Variants in NSMCE4A observed in about 807,000 individuals in gnomAD.
NSMCE4A encodes NSE4A component of SMC5/6 complex.
In NSMCE4A, 40 loss-of-function variants were observed where a neutral mutation model predicts 47.9. The ratio of observed to expected loss-of-function variants is 0.83; its 90% CI spans 0.65 to 1.09. NSMCE4A has a LOEUF of 1.09. NSMCE4A is among the 50% of genes least tolerant of loss of function. The pLI is 0.00. For synonymous variants in NSMCE4A, 166 were observed against 178.5 expected (o/e 0.93, Z 0.56); for missense variants, 500 against 507.0 (o/e 0.99, Z 0.13).
chr10:121,975,098 C>A lies in NSMCE4A; in HGVS notation c.68G>T (p.Arg23Leu). ...RGRGRDPHRD[R>L]TRSRSRSRSP... The stretch of plus-strand genomic sequence containing the variant: ...CCGCGAGCGGGAGCGGGAGCGGGTG[C>A]GATCCCGATGCGGGTCGCGGCCCCG... Residue 23 changes from arginine (R) to leucine (L), a missense_variant, in exon 1 of 11, where the codon CGC becomes CTC. Physicochemically the swap from Arg to Leu is moderately radical, Grantham distance 102 (BLOSUM62 -2). Coordinates refer to ENST00000369023, the MANE Select transcript of NSMCE4A (RefSeq NM_017615.3). The A allele has an allele frequency of 7.0e-7, 1 of 1,438,502 alleles. No homozygotes were observed. 89.1% of individuals were successfully genotyped at this position (1,438,502 alleles called of 1,614,324 possible). A position where few individuals can be genotyped will look rare whatever the true frequency, so the allele number is the denominator to read the frequency against.
intron 4 of NSMCE4A, 54 bp downstream of exon 4, chr10:121,967,601 A>T (rs1952630366): frequency 6.4e-7 from 1 of 1,551,132 alleles, no homozygotes; most frequent in South Asian, 1.2e-5. Flanking sequence ...TACAAGAAAA[A>T]GCAATTTAAG....
intron 3 of NSMCE4A, among the ~76,000 whole-genome samples, chr10:121,970,180 A>G (rs1952679937): frequency 6.6e-6 from 1 of 152,036 alleles, no homozygotes; most frequent in Non-Finnish European, 1.5e-5. Flanking sequence ...AAAACCAAAA[A>G]AGCAAAACCT....
chr10:121,959,711 T>A lies in NSMCE4A; in HGVS notation c.989-116A>T. 3 of 676,052 alleles carry A rather than the reference T, an allele frequency of 4.4e-6. No individual in the cohort carries two copies. The South Asian group carries it at 5.6e-5, about 13-fold the overall frequency. 41.9% of individuals were successfully genotyped at this position (676,052 alleles called of 1,614,324 possible). A position where few individuals can be genotyped will look rare whatever the true frequency, so the allele number is the denominator to read the frequency against. On this transcript the variant is annotated intron_variant, in intron 8 of 10. Coordinates refer to ENST00000369023, the MANE Select transcript of NSMCE4A (RefSeq NM_017615.3). The stretch of plus-strand genomic sequence containing the variant: ...ACCTGTATTGAAAAGATACTTATAA[T>A]ATTACATACTTTTTAGGATTTCATG...
At position 121,960,581 on chromosome 10, in the gene NSMCE4A, G is replaced by A. The variant is rs1952480215; in HGVS notation, c.940-175C>T. On this transcript the variant is annotated intron_variant, in intron 7 of 10. Transcript: ENST00000369023. The surrounding 1 kb of genome is among the most constrained non-coding windows in gnomAD (Gnocchi z 4.2). The stretch of plus-strand genomic sequence containing the variant: ...CCCTAGTATCTTTTATTTACACAGG[G>A]TATCTTTGGGTTTCTAATCAGCTCT... 6.6e-6 allele frequency among the ~76,000 whole-genome samples: 1 copy of A among 152,116 alleles called. No individual in the cohort carries two copies. Among genetic ancestry groups the A allele is most frequent in the Admixed American group, 6.6e-5 (1 of 15,262 alleles).
chr10:121,965,056 G>A (rs1252857958), intron 5 of NSMCE4A, among the ~76,000 whole-genome samples: 1 of 152,128 alleles, frequency 6.6e-6, no homozygotes, highest in Non-Finnish European at 1.5e-5. Context: ...ACAGTGCTGA[G>A]GTTGACCCTG....
At chr10:121,971,705 G>A (rs1952716990) in intron 2 of NSMCE4A, among the ~76,000 whole-genome samples, 1 of 152,092 alleles carries the variant, frequency 6.6e-6, no homozygotes, top group Non-Finnish European at 1.5e-5. Flanking sequence ...TCCTAATCAC[G>A]ATGATCATGT....
intron 8 of NSMCE4A, 163 bp from the exon 9 acceptor site, chr10:121,959,758 T>G: frequency 1.7e-6 from 1 of 604,210 alleles, no homozygotes; most frequent in South Asian, 2.1e-5. Context: ...TGCTGTAGTA[T>G]TATTACAGTA....
At chr10:121,971,204 A>C in intron 2 of NSMCE4A, 135 bp from the exon 3 acceptor site, 1 of 805,224 alleles carries the variant, frequency 1.2e-6, no homozygotes, top group Non-Finnish European at 1.9e-6. Flanking sequence ...GGCAACTGAC[A>C]CATCTCCTTC....
At chr10:121,966,772 T>G (rs1041808938) in intron 4 of NSMCE4A, 129 of 152,346 alleles carry the variant, frequency 8.5e-4, no homozygotes, top group African/African-American at 2.9e-3. Flanking sequence ...ACCAGTATAC[T>G]TGAAGGTCCT....
intron 1 of NSMCE4A, chr10:121,974,327 C>A: frequency 7.7e-7 from 1 of 1,297,524 alleles, no homozygotes; most frequent in Non-Finnish European, 9.8e-7. Context: ...GGGCTGGACT[C>A]CGGCTGCAGC....
chr10:121,972,361 T>C (rs533907664), intron 2 of NSMCE4A, among the ~76,000 whole-genome samples: 9 of 152,270 alleles, frequency 5.9e-5, no homozygotes, highest in Admixed American at 2.6e-4. Context: ...CAGGGTCTGA[T>C]TAAGCAACCC....
At chr10:121,967,870 T>C in intron 3 of NSMCE4A, 64 bp from the exon 4 acceptor site, 1 of 1,532,800 alleles carries the variant, frequency 6.5e-7, no homozygotes, top group Non-Finnish European at 8.8e-7. Context: ...CCACATCCAA[T>C]AATCCGCATC....
At chr10:121,966,073 AAGG>A (rs1344611016) in intron 4 of NSMCE4A, 3 of 152,210 alleles carry the variant, frequency 2.0e-5, no homozygotes, top group Non-Finnish European at 2.9e-5. Context: ...CCTGCTCCAC[AAGG>A]AGCAGTATAA....
At position 121,965,384 on chromosome 10, in the gene NSMCE4A, A is replaced by G; in HGVS notation, c.655T>C (p.Leu219=). Residue 219 remains leucine (L), a splice_region_variant and synonymous_variant, in exon 5 of 11, where the codon TTG becomes CTG. Transcript: ENST00000369023. ...GGGCACTCTCCGTATATTGAACCCAACCTAATGAAAAGTATGCTTTCATTT... is the reference window on the plus strand; with the variant it reads ...GGGCACTCTCCGTATATTGAACCCAGCCTAATGAAAAGTATGCTTTCATTT... ...FNKTHTFHFL[L]GSIYGECPVP... 2 of 1,602,920 alleles carry G rather than the reference A, an allele frequency of 1.2e-6. No individual in the cohort carries two copies. Among genetic ancestry groups the G allele is most frequent in the Non-Finnish European group, 1.7e-6 (2 of 1,175,794 alleles).
Position 121,959,365 on chromosome 10 carries a change from T to C in NSMCE4A, c.1129A>G (p.Ser377Gly), listed in dbSNP as rs759587573. 2 of 1,614,256 alleles carry C rather than the reference T, an allele frequency of 1.2e-6. No individual in the cohort carries two copies. Among genetic ancestry groups the C allele is most frequent in the East Asian group, 4.5e-5 (2 of 44,892 alleles). ...FEISEPVITP[S>G]QRQQKPSA The stretch of plus-strand genomic sequence containing the variant: ...GCACTTGGCTTCTGCTGCCTCTGAC[T>C]TGGAGTAATCACAGGCTCTGAAATC... The change falls in exon 10 of 11, where the codon AGT becomes GGT. Residue 377 changes from serine to glycine, a missense_variant. Ser to Gly is a moderately conservative substitution (Grantham distance 56, BLOSUM62 0). Transcript: ENST00000369023.
At chr10:121,969,475 C>T (rs1235647799) in intron 3 of NSMCE4A, among the ~76,000 whole-genome samples, 3 of 138,112 alleles carry the variant, frequency 2.2e-5, no homozygotes, top group Admixed American at 1.6e-4. Flanking sequence ...TTCCTAAGTG[C>T]ATTATGTTTC....
chr10:121,959,067 C>T (rs1485917602), intron 10 of NSMCE4A, among the ~76,000 whole-genome samples: 1 of 152,150 alleles, frequency 6.6e-6, no homozygotes, highest in Non-Finnish European at 1.5e-5. Flanking sequence ...CTTGCCTTGG[C>T]CTCCCAAAGT....
At position 121,975,141 on chromosome 10, in the gene NSMCE4A, C is replaced by A. The variant is rs953473894; in HGVS notation, c.25G>T (p.Gly9Trp). Residue 9 changes from glycine (G) to tryptophan (W), a missense_variant, in exon 1 of 11, where the codon GGG (glycine) becomes TGG (tryptophan). Gly to Trp is a radical substitution (Grantham distance 184). Coordinates refer to ENST00000369023, the MANE Select transcript of NSMCE4A (RefSeq NM_017615.3). ...CGGCCCCGGCCCCGGCCCTCTGGCC[C>A]GCGGCCGCTGCTGTCCCCAGACATA... Reference protein sequence around the residue: MSGDSSGRGPEGRGRGRDP... With the variant: MSGDSSGRWPEGRGRGRDP... The A allele has an allele frequency of 1.5e-5, 21 of 1,408,050 alleles. No homozygotes were observed. The highest frequency in any genetic ancestry group is 2.6e-4 in the Middle Eastern group (1 of 3,896). 87.2% of individuals were successfully genotyped at this position (1,408,050 alleles called of 1,614,324 possible). A position where few individuals can be genotyped will look rare whatever the true frequency, so the allele number is the denominator to read the frequency against.
Position 121,974,922 on chromosome 10 carries a change from A to G in NSMCE4A, c.244T>C (p.Cys82Arg). The G allele has an allele frequency of 6.5e-7, 1 of 1,530,658 alleles. No homozygotes were observed. The highest frequency in any genetic ancestry group is 1.2e-5 in the South Asian group (1 of 81,954). The allele number at this position is 1,530,658 out of a possible 1,614,324, so 94.8% of individuals were successfully genotyped here. A position where few individuals can be genotyped will look rare whatever the true frequency, so the allele number is the denominator to read the frequency against. Residue 82 changes from cysteine to arginine, a missense_variant, in exon 1 of 11, where the codon TGC becomes CGC. By Grantham distance (180) the Cys-to-Arg change is radical. Coordinates refer to ENST00000369023, the MANE Select transcript of NSMCE4A (RefSeq NM_017615.3). ...SLEAEADQGLCRQIRHQYRAL... is the reference protein window; with the variant it reads ...SLEAEADQGLRRQIRHQYRAL... ...CGGTACTGATGGCGGATCTGGCGGC[A>G]CAGGCCTTGGTCGGCCTCCGCCTCC...
Sources: gnomAD v4.1 joint callset for allele counts (sites outside exome capture counted in the v4.1 genomes callset) on GRCh38, gnomAD v4.1.1 for gene constraint, Gnocchi (gnomAD v3.1) non-coding constraint, MANE v1.5 for transcripts, NCBI Gene and HGNC (gene_info 2026-07-23, HGNC 2026-07-21) for gene names.